XXYLT1: variants seen among roughly 807,000 people sequenced by gnomAD.
XXYLT1 encodes xyloside xylosyltransferase 1.
In XXYLT1, 20 loss-of-function variants were observed where a neutral mutation model predicts 28.9. That is an observed-to-expected ratio of 0.69 (90% CI 0.49 to 1.00). XXYLT1 has a LOEUF of 1.00. Among genes scored for constraint, XXYLT1 ranks in the 50% least tolerant of loss-of-function variants. The pLI, the probability that XXYLT1 is intolerant of heterozygous loss-of-function variation, is 0.00. For missense variants in XXYLT1, 542 were observed against 560.1 expected (o/e 0.97, Z 0.33); for synonymous variants, 257 against 253.8 (o/e 1.01, Z -0.12).
In XXYLT1 at chr3:195,256,684, A is replaced by T. The variant is rs1353432265; in HGVS notation, c.504+13871T>A. 4.8e-6 allele frequency: 3 copies of T among 630,738 alleles called. No homozygotes were observed. Among genetic ancestry groups the T allele is most frequent in the Admixed American group, 6.3e-5 (1 of 15,818 alleles). 39.1% of individuals were successfully genotyped at this position (630,738 alleles called of 1,614,324 possible). A position where few individuals can be genotyped will look rare whatever the true frequency, so the allele number is the denominator to read the frequency against. On this transcript the variant is annotated intron_variant, in intron 1 of 3. Transcript: ENST00000310380. This position sits in a 1 kb window ranked among gnomAD's most constrained non-coding sequence, Gnocchi z 4.2. ...TGTTACTCAGAGCCGGAGCGTCCCC[A>T]CTCCTCTTATGATGAGAAACTGAGG...
chr3:195,220,991 G>A (rs940817511), intron 2 of XXYLT1, among the ~76,000 whole-genome samples: 3 of 152,180 alleles, frequency 2.0e-5, no homozygotes, highest in African/African-American at 7.2e-5. Flanking sequence ...AACAGCAACA[G>A]TGATAAACCA....
intron 3 of XXYLT1, among the ~76,000 whole-genome samples, chr3:195,087,009 T>C (rs1190033429): frequency 6.6e-6 from 1 of 152,122 alleles, no homozygotes; most frequent in East Asian, 1.9e-4. Context: ...CCTTCCCAGC[T>C]CCAGGTCGCC....
At chr3:195,073,388 G>C (rs1229943396) in intron 3 of XXYLT1, among the ~76,000 whole-genome samples, 3 of 152,186 alleles carry the variant, frequency 2.0e-5, no homozygotes, top group African/African-American at 7.2e-5. Flanking sequence ...GGCACTGTCT[G>C]TGGCACGTGC....
chr3:195,232,904 T>C (rs1724361716), intron 1 of XXYLT1, among the ~76,000 whole-genome samples: 1 of 152,218 alleles, frequency 6.6e-6, no homozygotes, highest in Non-Finnish European at 1.5e-5. Context: ...ATTTCGTCTA[T>C]GGTGCAGATT....
intron 3 of XXYLT1, among the ~76,000 whole-genome samples, chr3:195,085,505 G>C (rs73056504): frequency 2.0e-5 from 3 of 152,142 alleles, no homozygotes; most frequent in Non-Finnish European, 4.4e-5. Context: ...GCGGTGGGAG[G>C]GGGGAGTCCA....
chr3:195,112,647 G>C (rs1325337402), intron 3 of XXYLT1, among the ~76,000 whole-genome samples: 1 of 148,094 alleles, frequency 6.8e-6, no homozygotes. Context: ...ATGCACACAC[G>C]CAGCTCCCAG....
chr3:195,088,446 C>A (rs563823590), intron 3 of XXYLT1, among the ~76,000 whole-genome samples: 1 of 144,876 alleles, frequency 6.9e-6, no homozygotes, highest in East Asian at 2.2e-4. Context: ...GGTACTCCAA[C>A]AGACCTGCAG....
intron 1 of XXYLT1, among the ~76,000 whole-genome samples, chr3:195,227,291 T>C (rs1724101629): frequency 6.6e-6 from 1 of 152,172 alleles, no homozygotes; most frequent in African/African-American, 2.4e-5. Flanking sequence ...CGCCACCTCC[T>C]GGTGGCCACT....
intron 3 of XXYLT1, among the ~76,000 whole-genome samples, chr3:195,123,805 G>T (rs1577055640): frequency 6.6e-6 from 1 of 152,174 alleles, no homozygotes; most frequent in Admixed American, 6.5e-5. Flanking sequence ...CAGGGTCTGG[G>T]CCACTGCCCC....
At chr3:195,107,678 A>G (rs146542021) in intron 3 of XXYLT1, among the ~76,000 whole-genome samples, 1 of 62,628 alleles carries the variant, frequency 1.6e-5, no homozygotes, top group African/African-American at 6.7e-5. Context: ...AGGGGAGGAG[A>G]GCCACAAGTG....
chr3:195,226,468 G>A (rs910313189), intron 2 of XXYLT1, among the ~76,000 whole-genome samples: 1 of 152,082 alleles, frequency 6.6e-6, no homozygotes, highest in Non-Finnish European at 1.5e-5. Flanking sequence ...CCAGACCAGA[G>A]CCCAGAGACC....
At chr3:195,135,961 G>A (rs977289308) in intron 3 of XXYLT1, among the ~76,000 whole-genome samples, 5 of 152,160 alleles carry the variant, frequency 3.3e-5, no homozygotes, top group African/African-American at 1.2e-4. Context: ...CCTCTATGGT[G>A]TAGAAGCTAT....
chr3:195,202,124 C>A (rs1320631409), intron 2 of XXYLT1, among the ~76,000 whole-genome samples: 2 of 152,064 alleles, frequency 1.3e-5, no homozygotes, highest in Non-Finnish European at 2.9e-5. Context: ...TTGCAGTGAG[C>A]CGAGATCGTG....
chr3:195,230,384 C>T (rs931480651), intron 1 of XXYLT1, among the ~76,000 whole-genome samples: 21 of 152,206 alleles, frequency 1.4e-4, no homozygotes, highest in African/African-American at 4.1e-4. Context: ...AGCTTTTCAA[C>T]TGGATGTGAT....
chr3:195,123,723 T>C (rs540902329), intron 3 of XXYLT1, among the ~76,000 whole-genome samples: 2 of 152,134 alleles, frequency 1.3e-5, no homozygotes, highest in Non-Finnish European at 2.9e-5. Context: ...CGGAGCCCAC[T>C]GCAGGAAATT....
intron 2 of XXYLT1, among the ~76,000 whole-genome samples, chr3:195,193,331 A>C (rs2108754588): frequency 6.6e-6 from 1 of 152,156 alleles, no homozygotes; most frequent in East Asian, 1.9e-4. Flanking sequence ...AATACTTAGG[A>C]ATAAACTTAA....
chr3:195,259,640 G>A (rs1725608989), intron 1 of XXYLT1: 1 of 985,464 alleles, frequency 1.0e-6, no homozygotes, highest in Non-Finnish European at 1.2e-6. Context: ...CTGTAAGGTG[G>A]CATCCGAGTC....
At chr3:195,104,231 G>A (rs962895978) in intron 3 of XXYLT1, among the ~76,000 whole-genome samples, 1 of 88,422 alleles carries the variant, frequency 1.1e-5, no homozygotes, top group African/African-American at 3.6e-5. Context: ...GTGTGTGTGT[G>A]TGTGTGTGTG....
intron 2 of XXYLT1, among the ~76,000 whole-genome samples, chr3:195,214,242 A>C (rs187244360): frequency 3.2e-4 from 48 of 152,250 alleles, no homozygotes; most frequent in African/African-American, 1.0e-3. Context: ...AAAGAAGGAA[A>C]GCCCCCTCTG....
Sources: gnomAD v4.1 joint callset for allele counts (sites outside exome capture counted in the v4.1 genomes callset) on GRCh38, gnomAD v4.1.1 for gene constraint, Gnocchi (gnomAD v3.1) non-coding constraint, MANE v1.5 for transcripts, NCBI Gene and HGNC (gene_info 2026-07-23, HGNC 2026-07-21) for gene names.